Variants in BAG4 observed in about 807,000 individuals in gnomAD.
BAG4 encodes BAG family molecular chaperone regulator 4.
A neutral mutation model predicts 52.1 loss-of-function variants in BAG4; 28 were observed. That is an observed-to-expected ratio of 0.54 (90% CI 0.40 to 0.74). The LOEUF is 0.74. BAG4 is among the 30% of genes least tolerant of loss of function. The pLI is 0.00. For synonymous variants in BAG4, 208 were observed against 217.0 expected (o/e 0.96, Z 0.37); for missense variants, 525 against 572.0 (o/e 0.92, Z 0.84).
rs1803828839 is a variant in BAG4, at chr8:38,209,287, T to G, written c.888+20T>G. On this transcript the variant is annotated intron_variant, in intron 4 of 4. Transcript: ENST00000287322. ...CCCAAGGTAGGAGACCTAAATGTTG[T>G]TCCTTTAATGTGTGTGTAATTAGGA... 1.2e-6 allele frequency: 2 copies of G among 1,614,046 alleles called. No homozygotes were observed. The highest frequency in any genetic ancestry group is 2.2e-5 in the South Asian group (2 of 91,068).
intron 2 of BAG4, among the ~76,000 whole-genome samples, chr8:38,205,999 C>T (rs1259394671): frequency 2.0e-5 from 3 of 150,782 alleles, no homozygotes; most frequent in Non-Finnish European, 3.0e-5. Context: ...TCAAGTGATC[C>T]TCCCTCCTAG....
chr8:38,202,964 T>A (rs997577436), intron 2 of BAG4: 1 of 152,198 alleles, frequency 6.6e-6, no homozygotes, highest in African/African-American at 2.4e-5. Flanking sequence ...AACTCCTGTA[T>A]TTTCTTTGCT....
intron 2 of BAG4, chr8:38,201,862 ATATATATATATATATATATTTTT>A (rs1803674005): frequency 8.0e-4 from 5 of 6,248 alleles, no homozygotes; most frequent in African/African-American, 1.9e-3. Flanking sequence ...ATATATATAT[ATATATATATATATATATATTTTT>A]TTTTTTTTTT....
At chr8:38,201,100 C>T (rs543377308) in intron 2 of BAG4, among the ~76,000 whole-genome samples, 25 of 152,266 alleles carry the variant, frequency 1.6e-4, no homozygotes, top group South Asian at 6.2e-4. Flanking sequence ...GTATTTATTA[C>T]ATTCATATGT....
At chr8:38,192,225 A>C (rs1803487506) in intron 1 of BAG4, among the ~76,000 whole-genome samples, 1 of 152,240 alleles carries the variant, frequency 6.6e-6, no homozygotes, top group Non-Finnish European at 1.5e-5. Context: ...CTTGAGGATT[A>C]GTTATTGGAG....
chr8:38,190,318 T>G (rs1399058134), intron 1 of BAG4, among the ~76,000 whole-genome samples: 2 of 152,220 alleles, frequency 1.3e-5, no homozygotes, highest in Admixed American at 1.3e-4. Flanking sequence ...GTTTAAGATA[T>G]TTTTAAATTT....
At chr8:38,202,605 A>G (rs1803699883) in intron 2 of BAG4, among the ~76,000 whole-genome samples, 1 of 146,542 alleles carries the variant, frequency 6.8e-6, no homozygotes, top group African/African-American at 2.5e-5. Context: ...CAATGGCATG[A>G]TCACAGCTCA....
chr8:38,207,479 C>A, intron 2 of BAG4, 33 bp from the exon 3 acceptor site: 1 of 1,597,320 alleles, frequency 6.3e-7, no homozygotes, highest in South Asian at 1.1e-5. Context: ...TCTACTAATT[C>A]ATCTTTTTTT....
At chr8:38,184,325 A>G (rs1429405916) in intron 1 of BAG4, among the ~76,000 whole-genome samples, 1 of 151,692 alleles carries the variant, frequency 6.6e-6, no homozygotes, top group African/African-American at 2.4e-5. Context: ...AAATTAGCCA[A>G]ATGTGGTGGT....
rs1444611750 is a variant in BAG4, at chr8:38,198,134, T to C, written c.378+5339T>C. On this transcript the variant is annotated intron_variant, in intron 2 of 4. Coordinates refer to ENST00000287322, the MANE Select transcript of BAG4 (RefSeq NM_004874.4). ...GCGCGGTGGCTCACTCCTGTAATCCTAGCAATTTGGGAGGCCAAGGCGGGC... is the reference window on the plus strand; with the variant it reads ...GCGCGGTGGCTCACTCCTGTAATCCCAGCAATTTGGGAGGCCAAGGCGGGC... Among the ~76,000 whole-genome samples the C allele has an allele frequency of 2.0e-5, 3 of 151,882 alleles. No individual in the cohort carries two copies. In the South Asian group the frequency reaches 6.3e-4, roughly 32 times the overall value.
intron 2 of BAG4, among the ~76,000 whole-genome samples, chr8:38,198,539 A>G (rs1315074925): frequency 1.5e-5 from 2 of 137,710 alleles, no homozygotes; most frequent in African/African-American, 5.5e-5. Context: ...CCCAGGCTGC[A>G]GTGCAGTGGT....
At chr8:38,196,273 A>T (rs942051025) in intron 2 of BAG4, among the ~76,000 whole-genome samples, 1 of 152,194 alleles carries the variant, frequency 6.6e-6, no homozygotes, top group Admixed American at 6.5e-5. Flanking sequence ...GGTTTTCCAA[A>T]GGGATTGCAC....
chr8:38,210,584 T>G lies in BAG4; in HGVS notation c.*91T>G. The G allele has an allele frequency of 1.4e-6, 2 of 1,439,426 alleles. No individual in the cohort carries two copies. 89.2% of individuals were successfully genotyped at this position (1,439,426 alleles called of 1,614,324 possible). A position where few individuals can be genotyped will look rare whatever the true frequency, so the allele number is the denominator to read the frequency against. On this transcript the variant is annotated 3_prime_UTR_variant, in exon 5 of 5. Coordinates refer to ENST00000287322, the MANE Select transcript of BAG4 (RefSeq NM_004874.4). The stretch of plus-strand genomic sequence containing the variant: ...ACCCTCTTTTTGAAATGCCTGTTGA[T>G]GACAAGAAGCAATACATTCCAGCTT...
At chr8:38,193,648 C>G (rs1376794799) in intron 2 of BAG4, among the ~76,000 whole-genome samples, 1 of 151,890 alleles carries the variant, frequency 6.6e-6, no homozygotes, top group Admixed American at 6.6e-5. Flanking sequence ...TCACTGCACC[C>G]TCCTCCTCAC....
rs1803880286 is a variant in BAG4, at chr8:38,212,396, CT to C, written c.*1905del. 1 of 152,112 alleles carries C rather than the reference CT, an allele frequency of 6.6e-6. No individual in the cohort carries two copies. Among genetic ancestry groups the C allele is most frequent in the African/African-American group, 2.4e-5 (1 of 41,428 alleles). 9.4% of individuals were successfully genotyped at this position (152,112 alleles called of 1,614,324 possible). ...TTTAAGCTTTTGAGATAATTTTAGACTTACAGAAGAGTTGTAAAAGTAGTAG... is the reference window on the plus strand; with the variant it reads ...TTTAAGCTTTTGAGATAATTTTAGACTACAGAAGAGTTGTAAAAGTAGTAG... On this transcript the variant is annotated 3_prime_UTR_variant, in exon 5 of 5. Transcript: ENST00000287322.
intron 1 of BAG4, among the ~76,000 whole-genome samples, chr8:38,184,063 A>G (rs1803320880): frequency 6.6e-6 from 1 of 152,216 alleles, no homozygotes; most frequent in African/African-American, 2.4e-5. Flanking sequence ...GAGTTATGAA[A>G]AGGGAAAAAG....
intron 2 of BAG4, among the ~76,000 whole-genome samples, chr8:38,200,838 TC>T (rs1295783402): frequency 6.6e-6 from 1 of 152,156 alleles, no homozygotes; most frequent in Non-Finnish European, 1.5e-5. Context: ...CCTCAGGTGA[TC>T]CGCTTGCCTT....
At chr8:38,178,283 T>A (rs778624483) in intron 1 of BAG4, among the ~76,000 whole-genome samples, 1 of 151,314 alleles carries the variant, frequency 6.6e-6, no homozygotes, top group Non-Finnish European at 1.5e-5. Context: ...GCCTCTCGAG[T>A]AGCTAGGATT....
At chr8:38,177,752 G>C (rs1165234601) in intron 1 of BAG4, among the ~76,000 whole-genome samples, 2 of 152,124 alleles carry the variant, frequency 1.3e-5, no homozygotes, top group Non-Finnish European at 2.9e-5. Flanking sequence ...TAAGGAACCG[G>C]GGCTCTGCGA....
Sources: gnomAD v4.1 joint callset for allele counts (sites outside exome capture counted in the v4.1 genomes callset) on GRCh38, gnomAD v4.1.1 for gene constraint, MANE v1.5 for transcripts, NCBI Gene and HGNC (gene_info 2026-07-23, HGNC 2026-07-21) for gene names.